The following TNR variants were observed in gnomAD, a reference collection of about 807,000 sequenced individuals.
TNR encodes tenascin R, also known as tenascin-R.
Under a neutral mutation model 150.4 loss-of-function variants are expected in TNR, and 45 were observed. That is an observed-to-expected ratio of 0.30 (90% CI 0.24 to 0.38). The LOEUF (loss-of-function observed/expected upper bound fraction) is 0.38. Ranked by LOEUF, TNR falls within the 10% of genes least tolerant of loss-of-function variation. TNR has a pLI of 1.00. For missense variants in TNR, 1,544 were observed against 1,759.1 expected, an observed-to-expected ratio of 0.88 and a Z score of 2.19; for synonymous variants, 687 against 678.4, an observed-to-expected ratio of 1.01 and a Z score of -0.20.
intron 1 of TNR, among the ~76,000 whole-genome samples, chr1:175,720,622 G>A (rs900783826): frequency 1.3e-5 from 2 of 152,212 alleles, no homozygotes; most frequent in Non-Finnish European, 2.9e-5. Flanking sequence ...AAGGCATAAT[G>A]AGATAAGCAG....
intron 2 of TNR, among the ~76,000 whole-genome samples, chr1:175,514,706 G>A (rs1177413526): frequency 6.6e-6 from 1 of 152,236 alleles, no homozygotes; most frequent in Non-Finnish European, 1.5e-5. Flanking sequence ...GAACAGGCTT[G>A]ATTTTAAGTT....
intron 2 of TNR, among the ~76,000 whole-genome samples, chr1:175,442,703 A>C (rs995051171): frequency 6.6e-6 from 1 of 151,940 alleles, no homozygotes; most frequent in East Asian, 1.9e-4. Flanking sequence ...AAGTATAATA[A>C]ATAGGAAAAG....
Position 175,640,791 on chromosome 1 carries a change from G to GTATATATATATATATATATA in TNR, c.-165+102434_-165+102435insTATATATATATATATATATA, listed in dbSNP as rs59240572. Among the ~76,000 whole-genome samples the GTATATATATATATATATATA allele has an allele frequency of 4.5e-4, 64 of 143,680 alleles. No homozygotes were observed. The East Asian group carries it at 0.012, about 26-fold the overall frequency. 94.3% of individuals were successfully genotyped at this position (143,680 alleles called of 152,430 possible). ...AATATATATATGTGTGTGTGTGTGG[G>GTATATATATATATATATATA]TATATATATATATATATATGATAAT... On this transcript the variant is annotated intron_variant, in intron 1 of 22. Transcript: ENST00000367674.
chr1:175,723,230 G>A (rs1212937662), intron 1 of TNR, among the ~76,000 whole-genome samples: 1 of 152,158 alleles, frequency 6.6e-6, no homozygotes, highest in African/African-American at 2.4e-5. Flanking sequence ...CTTATTTAAG[G>A]TTTTTGGGAG....
chr1:175,356,746 T>C (rs1004114252), intron 15 of TNR, among the ~76,000 whole-genome samples: 3 of 152,236 alleles, frequency 2.0e-5, no homozygotes, highest in Non-Finnish European at 4.4e-5. Flanking sequence ...TTTGTGTACA[T>C]GACCCCTTCC....
intron 8 of TNR, among the ~76,000 whole-genome samples, chr1:175,384,007 T>C (rs1652806893): frequency 1.3e-5 from 2 of 152,352 alleles, no homozygotes; most frequent in East Asian, 3.9e-4. Context: ...AGGCAGAATG[T>C]AATTGTCTTG....
At chr1:175,402,700 T>C (rs1055720636) in intron 4 of TNR, among the ~76,000 whole-genome samples, 5 of 152,180 alleles carry the variant, frequency 3.3e-5, no homozygotes, top group African/African-American at 9.7e-5. Context: ...TGCAGTAGCA[T>C]TGTGGAAGGC....
chr1:175,397,690 TA>T (rs1293000036), intron 4 of TNR, among the ~76,000 whole-genome samples: 2 of 152,230 alleles, frequency 1.3e-5, no homozygotes, highest in Non-Finnish European at 2.9e-5. Flanking sequence ...TAATTTTTAT[TA>T]GCCTCAATCT....
At chr1:175,559,517 G>A (rs1661331481) in intron 1 of TNR, among the ~76,000 whole-genome samples, 1 of 151,978 alleles carries the variant, frequency 6.6e-6, no homozygotes, top group Non-Finnish European at 1.5e-5. Flanking sequence ...CCACTACTCT[G>A]GATTTGGTAG....
At chr1:175,596,442 G>A (rs1044812136) in intron 1 of TNR, among the ~76,000 whole-genome samples, 3 of 152,120 alleles carry the variant, frequency 2.0e-5, no homozygotes, top group Admixed American at 2.0e-4. Flanking sequence ...AATCATTTCA[G>A]TTTGAGACAC....
chr1:175,522,702 G>C (rs554321865), intron 2 of TNR, among the ~76,000 whole-genome samples: 2 of 152,244 alleles, frequency 1.3e-5, no homozygotes, highest in Non-Finnish European at 2.9e-5. Flanking sequence ...GCTAACCTCA[G>C]GGTTGTAAAA....
At chr1:175,623,431 G>T (rs563356170) in intron 1 of TNR, among the ~76,000 whole-genome samples, 1 of 152,152 alleles carries the variant, frequency 6.6e-6, no homozygotes, top group African/African-American at 2.4e-5. Context: ...CAGCCCTCTT[G>T]CTCTGGGCAT....
At chr1:175,568,216 C>A (rs753862911) in intron 1 of TNR, among the ~76,000 whole-genome samples, 2 of 152,176 alleles carry the variant, frequency 1.3e-5, no homozygotes, top group Non-Finnish European at 2.9e-5. Context: ...CATATACTAT[C>A]ACCCTCATAT....
intron 1 of TNR, among the ~76,000 whole-genome samples, chr1:175,609,911 C>G (rs1219020009): frequency 6.6e-6 from 1 of 152,108 alleles, no homozygotes; most frequent in Admixed American, 6.5e-5. Flanking sequence ...GGGATTGTTC[C>G]AGGACACAAA....
chr1:175,659,751 G>C lies in TNR; in HGVS notation c.-165+83475C>G, dbSNP rs1665303700. Among the ~76,000 whole-genome samples the C allele has an allele frequency of 1.3e-5, 2 of 152,120 alleles. 1 individual carries two copies. The highest frequency in any genetic ancestry group is 4.1e-4 in the South Asian group (2 of 4,822). On this transcript the variant is annotated intron_variant, in intron 1 of 22. Coordinates refer to ENST00000367674, the MANE Select transcript of TNR (RefSeq NM_003285.3). The stretch of plus-strand genomic sequence containing the variant: ...GGAGCTGACGTCTATACACTCTAGA[G>C]GACTGCTCACAGAGACCACAGCTGC...
At chr1:175,633,957 A>G (rs1231216806) in intron 1 of TNR, among the ~76,000 whole-genome samples, 1 of 152,038 alleles carries the variant, frequency 6.6e-6, no homozygotes, top group African/African-American at 2.4e-5. Context: ...AGATGAGTAG[A>G]CTTCCCTGAC....
At chr1:175,613,917 G>A (rs1406219808) in intron 1 of TNR, among the ~76,000 whole-genome samples, 1 of 152,146 alleles carries the variant, frequency 6.6e-6, no homozygotes, top group Non-Finnish European at 1.5e-5. Flanking sequence ...ATGGTATCCT[G>A]AGAAAGGATG....
intron 2 of TNR, among the ~76,000 whole-genome samples, chr1:175,449,323 TACAA>T (rs1447961922): frequency 3.3e-5 from 5 of 151,370 alleles, no homozygotes; most frequent in African/African-American, 9.8e-5. Context: ...TGCATGCACA[TACAA>T]ACAAACACAC....
At chr1:175,325,708 G>T (rs1300194140) in intron 21 of TNR, among the ~76,000 whole-genome samples, 1 of 152,214 alleles carries the variant, frequency 6.6e-6, no homozygotes, top group Non-Finnish European at 1.5e-5. Flanking sequence ...ATGAGTTCAT[G>T]TCCTTTGCAG....
Sources: gnomAD v4.1 joint callset for allele counts (sites outside exome capture counted in the v4.1 genomes callset) on GRCh38, gnomAD v4.1.1 for gene constraint, MANE v1.5 for transcripts, NCBI Gene and HGNC (gene_info 2026-07-23, HGNC 2026-07-21) for gene names.